Variants in RAPGEF1 observed in about 807,000 individuals in gnomAD.
RAPGEF1 encodes the protein Rap guanine nucleotide exchange factor 1.
In RAPGEF1, 33 loss-of-function variants were observed where a neutral mutation model predicts 143.3. That is an observed-to-expected ratio of 0.23 (90% CI 0.17 to 0.31). The LOEUF (loss-of-function observed/expected upper bound fraction) is 0.31. Ranked by LOEUF, RAPGEF1 falls within the 10% of genes least tolerant of loss-of-function variation. RAPGEF1 has a pLI of 1.00. For synonymous variants in RAPGEF1, 629 were observed against 676.5 expected (o/e 0.93, Z 1.09); for missense variants, 1,199 against 1,645.4 (o/e 0.73, Z 4.69).
At chr9:131,632,659 A>G (rs950528983) in intron 5 of RAPGEF1, among the ~76,000 whole-genome samples, 2 of 152,244 alleles carry the variant, frequency 1.3e-5, no homozygotes, top group East Asian at 1.9e-4. Flanking sequence ...TATTAAAGAC[A>G]AAGTCACAAC....
chr9:131,707,568 G>A (rs796946515), intron 1 of RAPGEF1, among the ~76,000 whole-genome samples: 2 of 152,110 alleles, frequency 1.3e-5, no homozygotes, highest in Non-Finnish European at 2.9e-5. Flanking sequence ...AGCCTCCCGA[G>A]TAGCTGGGAT....
intron 10 of RAPGEF1, 33 bp from the exon 11 acceptor site, chr9:131,622,031 C>G: frequency 6.3e-7 from 1 of 1,586,658 alleles, no homozygotes; most frequent in Non-Finnish European, 8.6e-7. Flanking sequence ...GCAGCGAGGC[C>G]GGGGGAGGCC....
chr9:131,600,261 T>G (rs2132435437), intron 15 of RAPGEF1, among the ~76,000 whole-genome samples: 1 of 152,318 alleles, frequency 6.6e-6, no homozygotes, highest in South Asian at 2.1e-4. Flanking sequence ...ATCCCATAAT[T>G]ATTTCTGAGC....
Position 131,625,993 on chromosome 9 carries a change from T to A in RAPGEF1, c.1631A>T (p.Asp544Val). The change falls in exon 10 of 27, where the codon GAT (aspartate) becomes GTT (valine). Residue 544 changes from aspartate to valine, a missense_variant. Transcript: ENST00000683357. The stretch of plus-strand genomic sequence containing the variant: ...ACCGGTTGACTCAGGAGCAGTAAAA[T>A]CACCCACAAATTCGACAGGGGCTGA... ...GSSAPVEFVG[D>V]FTAPESTGDP... The A allele has an allele frequency of 8.1e-6, 13 of 1,608,936 alleles. No individual in the cohort carries two copies. Among genetic ancestry groups the A allele is most frequent in the Non-Finnish European group, 1.1e-5 (13 of 1,175,600 alleles).
chr9:131,651,024 G>C, intron 1 of RAPGEF1, 75 bp from the exon 2 acceptor site: 1 of 1,523,078 alleles, frequency 6.6e-7, no homozygotes, highest in Non-Finnish European at 8.9e-7. Context: ...TTGTGGAAAT[G>C]AGCAATGTCC....
intron 1 of RAPGEF1, among the ~76,000 whole-genome samples, chr9:131,665,604 G>T (rs376510107): frequency 6.6e-6 from 1 of 152,050 alleles, no homozygotes; most frequent in Non-Finnish European, 1.5e-5. Flanking sequence ...TTCTCCCTCA[G>T]AGAGGCCCTG....
intron 1 of RAPGEF1, among the ~76,000 whole-genome samples, chr9:131,669,288 G>A (rs113953246): frequency 1.4e-4 from 21 of 152,348 alleles, no homozygotes; most frequent in African/African-American, 5.1e-4. Flanking sequence ...GACAACAGGG[G>A]AAGGAGCTGG....
At chr9:131,582,745 G>GTGCTGGGGCAA (rs1462804798) in intron 24 of RAPGEF1, 43 bp from the exon 25 acceptor site, 4 of 1,503,152 alleles carry the variant, frequency 2.7e-6, no homozygotes, top group Non-Finnish European at 3.6e-6. Context: ...GGGTGAGCGA[G>GTGCTGGGGCAA]TGCTGGGGCA....
Position 131,650,799 on chromosome 9 carries a change from A to C in RAPGEF1, c.201+11T>G, listed in dbSNP as rs756547086. ...AGGTGAGGCCAGGAGAAACATCCAG[A>C]GTCAGCTTACTTTGTTCACAGGCTT... On this transcript the variant is annotated intron_variant, in intron 2 of 26. Transcript: ENST00000683357. This position sits in a 1 kb window ranked among gnomAD's most constrained non-coding sequence, Gnocchi z 4.7. The C allele has an allele frequency of 2.5e-5, 41 of 1,613,194 alleles. No homozygotes were observed. Among genetic ancestry groups the C allele is most frequent in the Non-Finnish European group, 3.4e-5 (40 of 1,179,604 alleles).
chr9:131,636,997 G>A (rs747240352), intron 5 of RAPGEF1, among the ~76,000 whole-genome samples: 4 of 151,986 alleles, frequency 2.6e-5, no homozygotes, highest in Admixed American at 6.5e-5. Context: ...AGGTCGAGGC[G>A]GGCAGATCAC....
intron 5 of RAPGEF1, among the ~76,000 whole-genome samples, chr9:131,633,490 G>A (rs1385804936): frequency 6.6e-6 from 1 of 152,202 alleles, no homozygotes; most frequent in African/African-American, 2.4e-5. Context: ...TGCATCTGTT[G>A]ATACAGGAAA....
chr9:131,737,392 A>T (rs774756817), intron 1 of RAPGEF1: 1 of 1,613,110 alleles, frequency 6.2e-7, no homozygotes, highest in Non-Finnish European at 8.5e-7. Context: ...CACTCATGAC[A>T]CCCCTCTCTC....
intron 3 of RAPGEF1, among the ~76,000 whole-genome samples, chr9:131,649,200 A>ATTTTTTTTTTTTTTTTTTTTTTTTTTT (rs55813422): frequency 3.4e-5 from 3 of 87,236 alleles, no homozygotes; most frequent in Non-Finnish European, 4.2e-5. Context: ...GCCTGGCTAA[A>ATTTTTTTTTTTTTTTTTTTTTTTTTTT]TTTTTTTTTT....
chr9:131,584,291 C>G lies in RAPGEF1; in HGVS notation c.3414+20G>C. ...CCCCCTTACCAGCCACCCTCCCGCC[C>G]ACGCCCCAAGGCCACTCACCTCTGA... On this transcript the variant is annotated intron_variant, in intron 24 of 26. Transcript: ENST00000683357. The surrounding 1 kb of genome is among the most constrained non-coding windows in gnomAD (Gnocchi z 6.8). 6.3e-7 allele frequency: 1 copy of G among 1,593,634 alleles called. No individual in the cohort carries two copies. Among genetic ancestry groups the G allele is most frequent in the Admixed American group, 1.8e-5 (1 of 56,940 alleles).
Position 131,593,079 on chromosome 9 carries a change from C to T in RAPGEF1, c.2690-896G>A, listed in dbSNP as rs146898208. ...ATGGTAGGGTCCAATCAGAAAAATC[C>T]GGGGAAATTCCACGTTTTGGGTCCT... is the stretch of plus-strand genomic sequence containing the variant. On this transcript the variant is annotated intron_variant, in intron 17 of 26. Coordinates refer to ENST00000683357, the MANE Select transcript of RAPGEF1 (RefSeq NM_001377935.1). Among the ~76,000 whole-genome samples, 61 of 152,300 alleles carry T rather than the reference C, an allele frequency of 4.0e-4. No individual in the cohort carries two copies. In the East Asian group the frequency reaches 0.011, roughly 27 times the overall value.
At chr9:131,732,504 G>A (rs955258110) in intron 1 of RAPGEF1, among the ~76,000 whole-genome samples, 5 of 152,168 alleles carry the variant, frequency 3.3e-5, no homozygotes, top group South Asian at 2.1e-4. Context: ...CAATGGATGC[G>A]GCATCAGAAC....
chr9:131,736,615 C>T (rs1837432073), intron 1 of RAPGEF1, among the ~76,000 whole-genome samples: 1 of 152,150 alleles, frequency 6.6e-6, no homozygotes, highest in Non-Finnish European at 1.5e-5. Flanking sequence ...GAGTCCTGCA[C>T]ACCAAGGAGG....
intron 1 of RAPGEF1, among the ~76,000 whole-genome samples, chr9:131,680,760 C>A (rs1263320403): frequency 6.6e-6 from 1 of 152,204 alleles, no homozygotes. Flanking sequence ...CTGTTCAGGG[C>A]TCTCAGCTCT....
intron 1 of RAPGEF1, among the ~76,000 whole-genome samples, chr9:131,685,008 C>T (rs1412332914): frequency 1.3e-5 from 2 of 152,200 alleles, no homozygotes; most frequent in Non-Finnish European, 2.9e-5. Flanking sequence ...GACAACCAGT[C>T]ACAACAAGTA....
Sources: allele counts gnomAD v4.1 joint callset (sites outside exome capture counted in the v4.1 genomes callset), GRCh38; gene constraint gnomAD v4.1.1; non-coding constraint Gnocchi (gnomAD v3.1); transcripts MANE v1.5; gene names NCBI Gene and HGNC (gene_info 2026-07-23, HGNC 2026-07-21).